The following ACTR1A variants were observed in gnomAD, a reference collection of about 807,000 sequenced individuals.
ACTR1A encodes the protein actin related protein 1A.
ACTR1A carries 10 observed loss-of-function variants against 50.7 expected under a neutral mutation model. The observed-to-expected ratio is 0.20, with a 90% CI of 0.12 to 0.33. The LOEUF is 0.33. ACTR1A is among the 10% of genes least tolerant of loss of function. The pLI is 1.00. For synonymous variants in ACTR1A, 177 were observed against 184.2 expected, an observed-to-expected ratio of 0.96 and a Z score of 0.32; for missense variants, 253 against 491.7, an observed-to-expected ratio of 0.51 and a Z score of 4.59.
rs1296497996 is a variant in ACTR1A, at chr10:102,488,752, AAAT to A, written c.189+308_189+310del. Among the ~76,000 whole-genome samples the A allele has an allele frequency of 6.6e-6, 1 of 152,208 alleles. No individual in the cohort carries two copies. The highest frequency in any genetic ancestry group is 1.5e-5 in the Non-Finnish European group (1 of 68,044). On this transcript the variant is annotated intron_variant, in intron 3 of 10. Coordinates refer to ENST00000369905, the MANE Select transcript of ACTR1A (RefSeq NM_005736.4). This position sits in a 1 kb window ranked among gnomAD's most constrained non-coding sequence, Gnocchi z 4.4. ...CCCCACTGAATATTTTTTGTGAAAA[AAAT>A]AATAAACACAGTAAATTTGATCACT...
At chr10:102,490,991 G>GA (rs999228164) in intron 1 of ACTR1A, among the ~76,000 whole-genome samples, 121 of 145,322 alleles carry the variant, frequency 8.3e-4, no homozygotes, top group Middle Eastern at 7.1e-3. Flanking sequence ...TGTCTCACAG[G>GA]AAAAAAAAAA....
chr10:102,489,363 T>C (rs1285685041), intron 2 of ACTR1A, among the ~76,000 whole-genome samples: 1 of 152,002 alleles, frequency 6.6e-6, no homozygotes, highest in Non-Finnish European at 1.5e-5. Flanking sequence ...TATTATAAAT[T>C]ATGAAAACAA....
chr10:102,486,849 G>A (rs552640520), intron 4 of ACTR1A, among the ~76,000 whole-genome samples: 1 of 150,504 alleles, frequency 6.6e-6, no homozygotes, highest in African/African-American at 2.4e-5. Flanking sequence ...TCAGTGGTGC[G>A]ATCTTGGCTT....
intron 1 of ACTR1A, among the ~76,000 whole-genome samples, chr10:102,497,622 T>TA (rs910104499): frequency 6.0e-5 from 9 of 149,602 alleles, no homozygotes; most frequent in Admixed American, 1.3e-4. Context: ...AATTAAAAAT[T>TA]AAAAAAAATC....
chr10:102,501,742 A>G (rs1009949758), intron 1 of ACTR1A, among the ~76,000 whole-genome samples: 2 of 152,212 alleles, frequency 1.3e-5, no homozygotes, highest in African/African-American at 2.4e-5. Flanking sequence ...AGTTCCTTTT[A>G]AACTATGCGT....
Position 102,502,652 on chromosome 10 carries a change from G to A in ACTR1A, c.-5C>T. ...GATCACATCGTAGGACTCCATGGCA[G>A]AGGAATCTCTCCTTCTGGGGAAGGA... On this transcript the variant is annotated 5_prime_UTR_variant, in exon 1 of 11. Transcript: ENST00000369905. The A allele has an allele frequency of 1.9e-6, 3 of 1,614,218 alleles. No homozygotes were observed. The highest frequency in any genetic ancestry group is 1.7e-6 in the Non-Finnish European group (2 of 1,180,000).
In ACTR1A at chr10:102,488,613, C is replaced by T. The variant is rs142262061; in HGVS notation, c.190-338G>A. On this transcript the variant is annotated intron_variant, in intron 3 of 10. Coordinates refer to ENST00000369905, the MANE Select transcript of ACTR1A (RefSeq NM_005736.4). The surrounding 1 kb of genome is among the most constrained non-coding windows in gnomAD (Gnocchi z 4.4). ...TGGCTCCCACCTCTGGGCCTCAGCACTTGAAGCCAAGGATGGCAACAGCGA... is the reference window on the plus strand; with the variant it reads ...TGGCTCCCACCTCTGGGCCTCAGCATTTGAAGCCAAGGATGGCAACAGCGA... Among the ~76,000 whole-genome samples, 23 of 152,334 alleles carry T rather than the reference C, an allele frequency of 1.5e-4. No homozygotes were observed. Among genetic ancestry groups the T allele is most frequent in the African/African-American group, 5.3e-4 (22 of 41,574 alleles).
chr10:102,486,535 C>A (rs531470406), intron 4 of ACTR1A, among the ~76,000 whole-genome samples: 1 of 152,142 alleles, frequency 6.6e-6, no homozygotes, highest in African/African-American at 2.4e-5. Context: ...ACTAAAAATA[C>A]AAAATTAGCC....
At chr10:102,489,418 G>A (rs552978673) in intron 2 of ACTR1A, among the ~76,000 whole-genome samples, 40 of 152,194 alleles carry the variant, frequency 2.6e-4, no homozygotes, top group Middle Eastern at 3.4e-3. Flanking sequence ...TTTCTGCAGT[G>A]TATGAACAGA....
At chr10:102,493,802 T>C (rs970740129) in intron 1 of ACTR1A, among the ~76,000 whole-genome samples, 3 of 152,314 alleles carry the variant, frequency 2.0e-5, no homozygotes, top group Admixed American at 6.5e-5. Context: ...TGAGTAAAAT[T>C]AAAATCAAGT....
At chr10:102,487,301 C>G (rs2062173620) in intron 4 of ACTR1A, among the ~76,000 whole-genome samples, 1 of 152,088 alleles carries the variant, frequency 6.6e-6, no homozygotes, top group East Asian at 1.9e-4. Flanking sequence ...GTAATCCCAG[C>G]TACTTGGGAA....
chr10:102,496,267 A>G (rs1334026257), intron 1 of ACTR1A, among the ~76,000 whole-genome samples: 1 of 152,248 alleles, frequency 6.6e-6, no homozygotes, highest in Non-Finnish European at 1.5e-5. Flanking sequence ...AGAAAGGAGA[A>G]TCAGTTAACA....
chr10:102,483,346 C>T, intron 6 of ACTR1A: 1 of 470,240 alleles, frequency 2.1e-6, no homozygotes, highest in Non-Finnish European at 3.8e-6. Context: ...AAACTTGGCC[C>T]CTGGATCCTA....
chr10:102,502,612 G>A lies in ACTR1A; in HGVS notation c.36C>T (p.Val12=). 6.2e-7 allele frequency: 1 copy of A among 1,614,230 alleles called. No homozygotes were observed. Among genetic ancestry groups the A allele is most frequent in the South Asian group, 1.1e-5 (1 of 91,086 alleles). ...ESYDVIANQP[V]VIDNGSGVIK... ...AGACGCAACTCACGTTGTCGATCACGACAGGCTGGTTGGCGATCACATCGT... is the reference window on the plus strand; with the variant it reads ...AGACGCAACTCACGTTGTCGATCACAACAGGCTGGTTGGCGATCACATCGT... Residue 12 remains valine, a synonymous_variant, in exon 1 of 11, where the codon GTC becomes GTT. Transcript: ENST00000369905.
At chr10:102,502,540 A>T (rs2062263840) in intron 1 of ACTR1A, 60 bp downstream of exon 1, 1 of 1,590,160 alleles carries the variant, frequency 6.3e-7, no homozygotes, top group Admixed American at 1.7e-5. Flanking sequence ...AACCCCGGGA[A>T]GCGATCCTTT....
In ACTR1A at chr10:102,485,614, G is replaced by A. The variant is rs1315217960; in HGVS notation, c.435C>T (p.Leu145=). The stretch of plus-strand genomic sequence containing the variant: ...GCTAGCCAGCTGCTACTCACAGGCT[G>A]AGTACAGCTTGCATGGAGATGAAAA... ...PALFISMQAV[L]SLYATGRTTG... Residue 145 remains leucine, a synonymous_variant, in exon 5 of 11, where the codon CTC becomes CTT. Transcript: ENST00000369905. The A allele has an allele frequency of 1.9e-6, 3 of 1,613,820 alleles. No individual in the cohort carries two copies. Among genetic ancestry groups the A allele is most frequent in the Non-Finnish European group, 2.5e-6 (3 of 1,180,004 alleles).
Position 102,490,605 on chromosome 10 carries a change from A to G in ACTR1A, c.57T>C (p.Gly19=). The G allele has an allele frequency of 6.2e-7, 1 of 1,612,630 alleles. No individual in the cohort carries two copies. Among genetic ancestry groups the G allele is most frequent in the Non-Finnish European group, 8.5e-7 (1 of 1,178,822 alleles). ...CACCAGCAAAACCAGCTTTAATCAC[A>G]CCGGATCCCTGAGGAAAGAGGAGAG... is the stretch of plus-strand genomic sequence containing the variant. ...NQPVVIDNGS[G]VIKAGFAGDQ... The change falls in exon 2 of 11, where the codon GGT becomes GGC. Residue 19 remains glycine (G), a synonymous_variant. Coordinates refer to ENST00000369905, the MANE Select transcript of ACTR1A (RefSeq NM_005736.4).
chr10:102,502,653 AG>A lies in ACTR1A; in HGVS notation c.-7del. 6.2e-7 allele frequency: 1 copy of A among 1,614,212 alleles called. No homozygotes were observed. The highest frequency in any genetic ancestry group is 8.5e-7 in the Non-Finnish European group (1 of 1,180,016). On this transcript the variant is annotated 5_prime_UTR_variant, in exon 1 of 11. Coordinates refer to ENST00000369905, the MANE Select transcript of ACTR1A (RefSeq NM_005736.4). Reference sequence around the variant, plus strand: ...ATCACATCGTAGGACTCCATGGCAGAGGAATCTCTCCTTCTGGGGAAGGAAC... The same window carrying A: ...ATCACATCGTAGGACTCCATGGCAGAGAATCTCTCCTTCTGGGGAAGGAAC...
At chr10:102,496,136 G>A (rs2062221468) in intron 1 of ACTR1A, among the ~76,000 whole-genome samples, 2 of 152,102 alleles carry the variant, frequency 1.3e-5, no homozygotes, top group Admixed American at 6.5e-5. Flanking sequence ...TAATAAAGAC[G>A]GGGTTTCACC....
Sources: allele counts gnomAD v4.1 joint callset (sites outside exome capture counted in the v4.1 genomes callset), GRCh38; gene constraint gnomAD v4.1.1; non-coding constraint Gnocchi (gnomAD v3.1); transcripts MANE v1.5; gene names NCBI Gene and HGNC (gene_info 2026-07-23, HGNC 2026-07-21).